The following CAB39L variants were observed in gnomAD, a reference collection of about 807,000 sequenced individuals.
The protein encoded by CAB39L is calcium binding protein 39 like, also known as calcium-binding protein 39-like.
Under a neutral mutation model 39.1 loss-of-function variants are expected in CAB39L, and 23 were observed. The observed-to-expected ratio is 0.59, with a 90% CI of 0.42 to 0.83. The LOEUF (loss-of-function observed/expected upper bound fraction) is 0.83, where lower values mean the gene tolerates loss of function less well. Ranked by LOEUF, CAB39L falls within the 40% of genes least tolerant of loss-of-function variation. The probability of loss-of-function intolerance (pLI) is 0.00; values close to 1 mark genes in which losing one functional copy is unlikely to be tolerated. For synonymous variants in CAB39L, 126 were observed against 137.2 expected, an observed-to-expected ratio of 0.92 and a Z score of 0.57; for missense variants, 366 against 391.9, an observed-to-expected ratio of 0.93 and a Z score of 0.56.
intron 9 of CAB39L, among the ~76,000 whole-genome samples, chr13:49,336,964 G>A (rs2063708724): frequency 6.6e-6 from 1 of 152,108 alleles, no homozygotes; most frequent in Non-Finnish European, 1.5e-5. Context: ...TTCTAGATGG[G>A]TCTCCTGGTA....
chr13:49,407,776 C>T (rs1034870225), intron 3 of CAB39L, among the ~76,000 whole-genome samples: 2 of 149,778 alleles, frequency 1.3e-5, no homozygotes, highest in African/African-American at 2.5e-5. Flanking sequence ...TCTGTATTCC[C>T]AGCCCTTATG....
chr13:49,354,573 A>G (rs1312033422), intron 6 of CAB39L, among the ~76,000 whole-genome samples: 1 of 152,222 alleles, frequency 6.6e-6, no homozygotes, highest in East Asian at 1.9e-4. Flanking sequence ...GATCCTGCCT[A>G]ATTACTGCAT....
intron 4 of CAB39L, among the ~76,000 whole-genome samples, chr13:49,377,889 A>G (rs1294246496): frequency 1.3e-5 from 1 of 76,210 alleles, no homozygotes; most frequent in African/African-American, 8.0e-5. Context: ...CCCGGCCGCC[A>G]TCCCATCTAG....
chr13:49,380,423 A>T (rs1252411777), intron 4 of CAB39L, among the ~76,000 whole-genome samples: 1 of 149,826 alleles, frequency 6.7e-6, no homozygotes, highest in African/African-American at 2.5e-5. Flanking sequence ...CTTAAAAAAA[A>T]CTCACTATAT....
chr13:49,360,896 T>C (rs1224805748), intron 5 of CAB39L, among the ~76,000 whole-genome samples: 3 of 152,178 alleles, frequency 2.0e-5, no homozygotes, highest in Non-Finnish European at 4.4e-5. Flanking sequence ...TCCCCAGCAA[T>C]GTGGAACTGT....
chr13:49,348,699 T>G (rs1955252313), intron 7 of CAB39L, among the ~76,000 whole-genome samples: 1 of 152,218 alleles, frequency 6.6e-6, no homozygotes, highest in Non-Finnish European at 1.5e-5. Context: ...CCCATCATTC[T>G]CAAACAGTAT....
At chr13:49,318,857 T>C (rs151006280) in intron 10 of CAB39L, among the ~76,000 whole-genome samples, 35 of 151,822 alleles carry the variant, frequency 2.3e-4, no homozygotes, top group African/African-American at 8.2e-4. Context: ...CTATTTACAA[T>C]AGCCAAAAGG....
chr13:49,443,916 C>T (rs1168832632), intron 1 of CAB39L, 70 bp downstream of exon 1: 5 of 456,618 alleles, frequency 1.1e-5, no homozygotes, highest in South Asian at 6.2e-5. Flanking sequence ...TACGGCCAGG[C>T]GCTATGTATG....
intron 10 of CAB39L, among the ~76,000 whole-genome samples, chr13:49,318,202 C>G (rs1374169396): frequency 1.3e-5 from 2 of 151,870 alleles, no homozygotes; most frequent in Non-Finnish European, 1.5e-5. Flanking sequence ...TGGCTCATGC[C>G]TGTAATCCCA....
At chr13:49,352,716 G>GA (rs1955389867) in intron 6 of CAB39L, among the ~76,000 whole-genome samples, 1 of 152,086 alleles carries the variant, frequency 6.6e-6, no homozygotes, top group African/African-American at 2.4e-5. Context: ...CTTGACCCTG[G>GA]AAAGTTAAGC....
At chr13:49,358,978 A>T (rs544606478) in intron 6 of CAB39L, among the ~76,000 whole-genome samples, 1 of 152,372 alleles carries the variant, frequency 6.6e-6, no homozygotes, top group African/African-American at 2.4e-5. Flanking sequence ...ACAAGAGAGA[A>T]AATGAACACA....
intron 10 of CAB39L, among the ~76,000 whole-genome samples, chr13:49,322,101 T>C (rs1954364175): frequency 6.6e-6 from 1 of 152,310 alleles, no homozygotes; most frequent in Non-Finnish European, 1.5e-5. Context: ...AACATTTTTA[T>C]CATCCCAAAA....
intron 5 of CAB39L, among the ~76,000 whole-genome samples, chr13:49,364,157 C>T (rs1006666572): frequency 9.9e-5 from 15 of 152,150 alleles, no homozygotes; most frequent in Admixed American, 6.5e-5. Flanking sequence ...AACACTAGAG[C>T]ACCCAGATAT....
At chr13:49,384,688 C>T (rs1327531760) in intron 3 of CAB39L, among the ~76,000 whole-genome samples, 1 of 152,044 alleles carries the variant, frequency 6.6e-6, no homozygotes, top group Non-Finnish European at 1.5e-5. Flanking sequence ...CTCCTTTATC[C>T]ATGGGCTGCA....
chr13:49,411,422 A>AG (rs1956988077), intron 3 of CAB39L, among the ~76,000 whole-genome samples: 1 of 151,422 alleles, frequency 6.6e-6, no homozygotes, highest in Non-Finnish European at 1.5e-5. Flanking sequence ...AAAAAAAAAA[A>AG]AAAAAGAAAA....
At chr13:49,417,695 T>C (rs1957107172) in intron 3 of CAB39L, among the ~76,000 whole-genome samples, 1 of 106,168 alleles carries the variant, frequency 9.4e-6, no homozygotes, top group Non-Finnish European at 2.1e-5. Context: ...ATGGGGATAT[T>C]CTATCAGGGG....
chr13:49,441,218 A>AGT (rs993100113), intron 1 of CAB39L, among the ~76,000 whole-genome samples: 75 of 111,690 alleles, frequency 6.7e-4, no homozygotes, highest in African/African-American at 3.5e-3. Flanking sequence ...ATAATGATTT[A>AGT]GTGTATATAT....
At chr13:49,378,785 C>T (rs1594023000) in intron 4 of CAB39L, among the ~76,000 whole-genome samples, 5 of 55,266 alleles carry the variant, frequency 9.0e-5, no homozygotes, top group African/African-American at 5.3e-4. Flanking sequence ...CCCCCCCGCC[C>T]GGCCAGCCGC....
At chr13:49,366,153 T>C (rs1051571297) in intron 5 of CAB39L, among the ~76,000 whole-genome samples, 7 of 151,974 alleles carry the variant, frequency 4.6e-5, no homozygotes, top group Non-Finnish European at 7.4e-5. Flanking sequence ...TACCAGAGGC[T>C]AGGAAGGGTA....
Sources: gnomAD v4.1 joint callset for allele counts (sites outside exome capture counted in the v4.1 genomes callset) on GRCh38, gnomAD v4.1.1 for gene constraint, MANE v1.5 for transcripts, NCBI Gene and HGNC (gene_info 2026-07-23, HGNC 2026-07-21) for gene names.